The following DTX3L variants were observed in gnomAD, a reference collection of about 807,000 sequenced individuals.
The protein encoded by DTX3L is E3 ubiquitin-protein ligase DTX3L.
A neutral mutation model predicts 60.9 loss-of-function variants in DTX3L; 34 were observed. The observed-to-expected ratio is 0.56, with a 90% CI of 0.42 to 0.74. The LOEUF is 0.74. Ranked by LOEUF, DTX3L falls within the 30% of genes least tolerant of loss-of-function variation. The pLI is 0.00. For synonymous variants in DTX3L, 290 were observed against 316.6 expected (o/e 0.92, Z 0.89); for missense variants, 810 against 874.0 (o/e 0.93, Z 0.92).
chr3:122,569,699 C>A lies in DTX3L; in HGVS notation c.1610C>A (p.Ala537Glu). The change falls in exon 3 of 5, where the codon GCA (alanine) becomes GAA (glutamate). Residue 537 changes from alanine (A) to glutamate (E), a missense_variant. Ala to Glu is a moderately radical substitution (Grantham distance 107). Transcript: ENST00000296161. The part of the protein sequence containing the change: ...PMDIDSDDSK[A>E]ASPPLKGSVS... ...GACATTGATAGCGATGATTCCAAAG[C>A]AGCTTCTCCGCCACTCAAGGGCTCT... is the stretch of plus-strand genomic sequence containing the variant. The A allele has an allele frequency of 6.2e-7, 1 of 1,614,144 alleles. No homozygotes were observed. The highest frequency in any genetic ancestry group is 1.1e-5 in the South Asian group (1 of 91,078).
In DTX3L at chr3:122,570,520, TAAGG is replaced by T; in HGVS notation, c.2014_2017del (p.Lys672PhefsTer2). Reference sequence around the variant, plus strand: ...AGCGAACTGCATACTTGCCTGATAATAAGGAAGGAAGGAAGGTTTTGAAACTGCT... The same window carrying T: ...AGCGAACTGCATACTTGCCTGATAATAAGGAAGGAAGGTTTTGAAACTGCT... On this transcript the variant is annotated frameshift_variant, in exon 4 of 5. Coordinates refer to ENST00000296161, the MANE Select transcript of DTX3L (RefSeq NM_138287.3). LOFTEE classifies it high-confidence loss of function. 6.2e-7 allele frequency: 1 copy of T among 1,614,004 alleles called. No homozygotes were observed. Among genetic ancestry groups the T allele is most frequent in the African/African-American group, 1.3e-5 (1 of 74,992 alleles).
chr3:122,573,557 G>T lies in DTX3L; in HGVS notation c.*1810G>T, dbSNP rs2107783817. On this transcript the variant is annotated 3_prime_UTR_variant, in exon 5 of 5. Transcript: ENST00000296161. ...ATCAAGACTGGACTTGAACTCCTGGGCTCAAGCCATCCCCCAACCTTGGCC... is the reference window on the plus strand; with the variant it reads ...ATCAAGACTGGACTTGAACTCCTGGTCTCAAGCCATCCCCCAACCTTGGCC... The T allele has an allele frequency of 6.6e-6, 1 of 152,270 alleles. No homozygotes were observed. Among genetic ancestry groups the T allele is most frequent in the South Asian group, 2.1e-4 (1 of 4,820 alleles). The allele number at this position is 152,270 out of a possible 1,614,324, so 9.4% of individuals were successfully genotyped here. A position where few individuals can be genotyped will look rare whatever the true frequency, so the allele number is the denominator to read the frequency against.
chr3:122,570,287 G>C, intron 3 of DTX3L, 168 bp from the exon 4 acceptor site: 1 of 779,782 alleles, frequency 1.3e-6, no homozygotes, highest in Non-Finnish European at 2.0e-6. Flanking sequence ...AGTGTTTCCA[G>C]CATGAATTCA....
Position 122,565,964 on chromosome 3 carries a change from G to C in DTX3L, c.293G>C (p.Arg98Thr). 3 of 1,614,140 alleles carry C rather than the reference G, an allele frequency of 1.9e-6. No individual in the cohort carries two copies. Among genetic ancestry groups the C allele is most frequent in the Middle Eastern group, 1.6e-4 (1 of 6,062 alleles). ...GAAAATTCAATAAAGAAGAACACGA[G>C]ACCTCAAATTTCTTCACTGACACAA... Reference protein sequence around the residue: ...PTENSIKKNTRPQISSLTQSQ... With the variant: ...PTENSIKKNTTPQISSLTQSQ... The change falls in exon 2 of 5, where the codon AGA becomes ACA. Residue 98 changes from arginine to threonine, a missense_variant. Coordinates refer to ENST00000296161, the MANE Select transcript of DTX3L (RefSeq NM_138287.3).
intron 1 of DTX3L, among the ~76,000 whole-genome samples, 177 bp downstream of exon 1, chr3:122,564,790 G>A (rs2080528244): frequency 1.3e-5 from 2 of 152,222 alleles, no homozygotes; most frequent in Admixed American, 1.3e-4. Context: ...TGAACACTCG[G>A]TGGAGGATGG....
chr3:122,565,387 C>T (rs2080552136), intron 1 of DTX3L, among the ~76,000 whole-genome samples: 1 of 151,718 alleles, frequency 6.6e-6, no homozygotes, highest in Non-Finnish European at 1.5e-5. Flanking sequence ...TGGTGCGCAC[C>T]TGTAATCCAA....
At position 122,564,410 on chromosome 3, in the gene DTX3L, T is replaced by A; in HGVS notation, c.-17T>A. ...GCTGCCTCCCGGAGCCCCCGCGCCC[T>A]CCCGACGCGCAGAGCCATGGCCTCC... On this transcript the variant is annotated 5_prime_UTR_variant, in exon 1 of 5. Transcript: ENST00000296161. The A allele has an allele frequency of 6.2e-7, 1 of 1,601,076 alleles. No homozygotes were observed. The highest frequency in any genetic ancestry group is 1.3e-5 in the African/African-American group (1 of 74,296).
rs1262740144 is a variant in DTX3L at position 122,569,514 on chromosome 3, A to G, written c.1425A>G (p.Arg475=). ...AGACCAAGTTTGCTGATGACTTTAGAAAAAGACATCCAAATGTACACTTTG... is the reference window on the plus strand; with the variant it reads ...AGACCAAGTTTGCTGATGACTTTAGGAAAAGACATCCAAATGTACACTTTG... The part of the protein sequence containing the change: ...LHQTKFADDF[R]KRHPNVHFVL... Residue 475 remains arginine, a synonymous_variant, in exon 3 of 5, where the codon AGA becomes AGG. Coordinates refer to ENST00000296161, the MANE Select transcript of DTX3L (RefSeq NM_138287.3). 4.3e-6 allele frequency: 7 copies of G among 1,614,262 alleles called. No individual in the cohort carries two copies. The highest frequency in any genetic ancestry group is 5.9e-6 in the Non-Finnish European group (7 of 1,180,054).
intron 4 of DTX3L, 79 bp from the exon 5 acceptor site, chr3:122,571,599 T>G (rs528247594): frequency 9.0e-7 from 1 of 1,110,998 alleles, no homozygotes; most frequent in East Asian, 2.4e-5. Context: ...GGATATTAAT[T>G]AAATCCTTAA....
At position 122,568,740 on chromosome 3, in the gene DTX3L, C is replaced by A. The variant is rs1266944857; in HGVS notation, c.651C>A (p.Asp217Glu). The A allele has an allele frequency of 1.2e-6, 2 of 1,614,184 alleles. No homozygotes were observed. The highest frequency in any genetic ancestry group is 2.2e-5 in the East Asian group (1 of 44,886). The part of the protein sequence containing the change: ...ERKPLSQQER[D>E]SCISPSEPET... ...AGCCACTCAGTCAGCAGGAGAGGGA[C>A]AGCTGCATTTCTCCTTCTGAACCAG... Residue 217 changes from aspartate (D) to glutamate (E), a missense_variant, in exon 3 of 5, where the codon GAC (aspartate) becomes GAA (glutamate). Coordinates refer to ENST00000296161, the MANE Select transcript of DTX3L (RefSeq NM_138287.3).
rs2080647459 is a variant in DTX3L, at chr3:122,571,777, G to A, written c.*30G>A. ...ACTGCTGGAAGATGTCTTAAATCAA[G>A]CTTTCAAAAAAATATATTTTAGGAG... On this transcript the variant is annotated 3_prime_UTR_variant, in exon 5 of 5. Coordinates refer to ENST00000296161, the MANE Select transcript of DTX3L (RefSeq NM_138287.3). 1.3e-6 allele frequency: 2 copies of A among 1,577,650 alleles called. No homozygotes were observed. The highest frequency in any genetic ancestry group is 8.6e-7 in the Non-Finnish European group (1 of 1,156,574).
rs1000724738 is a variant in DTX3L at position 122,572,651 on chromosome 3, C to A, written c.*904C>A. 1 of 152,274 alleles carries A rather than the reference C, an allele frequency of 6.6e-6. No individual in the cohort carries two copies. The highest frequency in any genetic ancestry group is 6.5e-5 in the Admixed American group (1 of 15,286). The allele number at this position is 152,274 out of a possible 1,614,324, so 9.4% of individuals were successfully genotyped here. On this transcript the variant is annotated 3_prime_UTR_variant, in exon 5 of 5. Transcript: ENST00000296161. ...GGAATGCAGTGGTGTGATCTTGGCT[C>A]ACTGCAACCTCCACTTCCCGGGTTC...
rs769287725 is a variant in DTX3L at position 122,570,168 on chromosome 3, A to G, written c.1935+144A>G. 1.0e-5 allele frequency: 9 copies of G among 890,296 alleles called. No individual in the cohort carries two copies. In the South Asian group the frequency reaches 1.1e-4, roughly 11 times the overall value. 55.1% of individuals were successfully genotyped at this position (890,296 alleles called of 1,614,324 possible). A position where few individuals can be genotyped will look rare whatever the true frequency, so the allele number is the denominator to read the frequency against. On this transcript the variant is annotated intron_variant, in intron 3 of 4. Transcript: ENST00000296161. ...GTGCAAGGGACTGAAATAGTGGTAA[A>G]GGTCACAATGTTTGCTGGTAATTCA...
In DTX3L at chr3:122,571,668, G is replaced by C. The variant is rs1221908362; in HGVS notation, c.2154-10G>C. 1.9e-6 allele frequency: 3 copies of C among 1,603,830 alleles called. No individual in the cohort carries two copies. The African/African-American group carries it at 4.0e-5, about 22-fold the overall frequency. ...TTGTGGTGACACTAAAGGAATTTTTGTTTCTTCAGGTATGGCTATCCTGAT... is the reference window on the plus strand; with the variant it reads ...TTGTGGTGACACTAAAGGAATTTTTCTTTCTTCAGGTATGGCTATCCTGAT... On this transcript the variant is annotated splice_polypyrimidine_tract_variant and intron_variant, in intron 4 of 4. Transcript: ENST00000296161.
In DTX3L at chr3:122,564,613, G is replaced by A. The variant is rs777968352; in HGVS notation, c.187G>A (p.Ala63Thr). The change falls in exon 1 of 5, where the codon GCT (alanine) becomes ACT (threonine). Residue 63 changes from alanine to threonine, a missense_variant and splice_region_variant. Transcript: ENST00000296161. ...TFRVEFSERA[A>T]KERVLKKGEH... The stretch of plus-strand genomic sequence containing the variant: ...CCGGGTGGAGTTCAGTGAAAGGGCA[G>A]GTGAGCTTCGGGCGGCCAGGCTGCG... The A allele has an allele frequency of 1.3e-6, 2 of 1,584,570 alleles. No homozygotes were observed. Among genetic ancestry groups the A allele is most frequent in the South Asian group, 1.1e-5 (1 of 88,900 alleles).
At position 122,568,815 on chromosome 3, in the gene DTX3L, C is replaced by T. The variant is rs2080622876; in HGVS notation, c.726C>T (p.Tyr242=). ...ACTATTTTGAAGTTCCCTTGCCTTA[C>T]TTTGAATACTTTAAATATATCTGTC... The part of the protein sequence containing the change: ...KSNYFEVPLP[Y]FEYFKYICPD... The change falls in exon 3 of 5, where the codon TAC becomes TAT. Residue 242 remains tyrosine, a synonymous_variant. Transcript: ENST00000296161. 6.2e-7 allele frequency: 1 copy of T among 1,614,062 alleles called. No homozygotes were observed. Among genetic ancestry groups the T allele is most frequent in the Non-Finnish European group, 8.5e-7 (1 of 1,180,036 alleles).
At chr3:122,566,751 A>G (rs1477435052) in intron 2 of DTX3L, among the ~76,000 whole-genome samples, 1 of 152,194 alleles carries the variant, frequency 6.6e-6, no homozygotes, top group African/African-American at 2.4e-5. Context: ...GATTCATTCA[A>G]CAATAGATAT....
chr3:122,565,905 C>T lies in DTX3L; in HGVS notation c.234C>T (p.Asp78=), dbSNP rs775806843. 8.7e-6 allele frequency: 14 copies of T among 1,613,950 alleles called. No homozygotes were observed. Among genetic ancestry groups the T allele is most frequent in the Middle Eastern group, 3.3e-4 (2 of 6,084 alleles). ...LKKGEHQILV[D]EKPVPIFLVP... is the part of the protein sequence containing the mutation. ...AAGGAGAGCACCAAATACTTGTTGA[C>T]GAAAAACCTGTGCCCATTTTCCTGG... is the stretch of plus-strand genomic sequence containing the variant. The change falls in exon 2 of 5, where the codon GAC becomes GAT. Residue 78 remains aspartate, a synonymous_variant. Transcript: ENST00000296161.
intron 2 of DTX3L, among the ~76,000 whole-genome samples, chr3:122,567,812 A>G (rs1313479670): frequency 6.6e-6 from 1 of 152,214 alleles, no homozygotes; most frequent in African/African-American, 2.4e-5. Context: ...TCAAACAGCT[A>G]GTGGCAGTTG....
Sources: gnomAD v4.1 joint callset for allele counts (sites outside exome capture counted in the v4.1 genomes callset) on GRCh38, gnomAD v4.1.1 for gene constraint, MANE v1.5 for transcripts, NCBI Gene and HGNC (gene_info 2026-07-23, HGNC 2026-07-21) for gene names.